PCDHGA2: variants seen among roughly 807,000 people sequenced by gnomAD.
PCDHGA2 encodes protocadherin gamma-A2.
In PCDHGA2, 40 loss-of-function variants were observed where a neutral mutation model predicts 59.2. That is an observed-to-expected ratio of 0.68 (90% CI 0.52 to 0.88). The LOEUF is 0.88. PCDHGA2 is among the 40% of genes least tolerant of loss of function. The pLI is 0.00. For synonymous variants in PCDHGA2, 560 were observed against 526.0 expected (o/e 1.06, Z -0.89); for missense variants, 1,226 against 1,204.0 (o/e 1.02, Z -0.27).
intron 1 of PCDHGA2, chr5:141,430,664 C>G (rs2154553866): frequency 8.3e-7 from 1 of 1,209,890 alleles, no homozygotes; most frequent in East Asian, 2.6e-5. Context: ...CGGAGGAGCT[C>G]TGACTTCCCA....
chr5:141,381,971 A>C (rs1777809819), intron 1 of PCDHGA2, among the ~76,000 whole-genome samples: 1 of 150,888 alleles, frequency 6.6e-6, no homozygotes, highest in African/African-American at 2.4e-5. Flanking sequence ...CTGGGATTAC[A>C]GGCGCGCGCC....
At chr5:141,350,357 T>C (rs562243473) in intron 1 of PCDHGA2, 1 of 1,568,848 alleles carries the variant, frequency 6.4e-7, no homozygotes, top group African/African-American at 1.4e-5. Context: ...GCAGATCCGA[T>C]ACACGATTCC....
At position 141,345,267 on chromosome 5, in the gene PCDHGA2, C is replaced by A. The variant is rs770576379; in HGVS notation, c.2424+3872C>A. The A allele has an allele frequency of 1.1e-5, 18 of 1,613,882 alleles. 1 individual carries two copies. Among genetic ancestry groups the A allele is most frequent in the South Asian group, 5.5e-5 (5 of 91,068 alleles). On this transcript the variant is annotated intron_variant, in intron 1 of 3. Coordinates refer to ENST00000394576, the MANE Select transcript of PCDHGA2 (RefSeq NM_018915.4). ...CTTAGTGACGGCCACATCCCTGGAC[C>A]GCGAACAAATATCAGAATATAACAT...
chr5:141,441,609 A>G (rs922588350), intron 1 of PCDHGA2: 2 of 218,734 alleles, frequency 9.1e-6, no homozygotes, highest in South Asian at 5.5e-5. Context: ...TCCCTATTCC[A>G]TCGTGGCCAG....
intron 1 of PCDHGA2, chr5:141,392,880 C>G (rs779595460): frequency 3.1e-6 from 5 of 1,613,564 alleles, no homozygotes; most frequent in Non-Finnish European, 2.5e-6. Flanking sequence ...GCTGGGAACG[C>G]TGTGGGAAAT....
Position 141,345,286 on chromosome 5 carries a change from A to G in PCDHGA2, c.2424+3891A>G, listed in dbSNP as rs753585552. ...CTGGACCGCGAACAAATATCAGAAT[A>G]TAACATTAGTCTGAGAGCCTCAGAT... On this transcript the variant is annotated intron_variant, in intron 1 of 3. Coordinates refer to ENST00000394576, the MANE Select transcript of PCDHGA2 (RefSeq NM_018915.4). The G allele has an allele frequency of 1.2e-5, 19 of 1,613,904 alleles. No homozygotes were observed. Among genetic ancestry groups the G allele is most frequent in the Non-Finnish European group, 1.4e-5 (17 of 1,179,910 alleles).
rs754169973 is a variant in PCDHGA2 at position 141,340,209 on chromosome 5, A to C, written c.1238A>C (p.Glu413Ala). The C allele has an allele frequency of 6.2e-7, 1 of 1,614,154 alleles. No homozygotes were observed. The highest frequency in any genetic ancestry group is 1.3e-5 in the African/African-American group (1 of 75,028). The change falls in exon 1 of 4, where the codon GAA becomes GCA. Residue 413 changes from glutamate (E) to alanine (A), a missense_variant. Physicochemically the swap from Glu to Ala is moderately radical, Grantham distance 107. Transcript: ENST00000394576. ...RLVTTRALDR[E>A]QFSFYNITLT... ...GTTACAACCAGAGCCCTTGACAGGGAACAGTTTTCCTTTTACAACATCACT... is the reference window on the plus strand; with the variant it reads ...GTTACAACCAGAGCCCTTGACAGGGCACAGTTTTCCTTTTACAACATCACT...
intron 1 of PCDHGA2, chr5:141,362,779 T>G (rs1588580747): frequency 3.3e-6 from 2 of 601,870 alleles, no homozygotes; most frequent in East Asian, 5.9e-5. Flanking sequence ...TTGCACTGTA[T>G]TTCTTTTTCT....
intron 2 of PCDHGA2, among the ~76,000 whole-genome samples, chr5:141,504,039 AC>A (rs1396515708): frequency 6.6e-6 from 1 of 152,184 alleles, no homozygotes; most frequent in African/African-American, 2.4e-5. Context: ...CATTTAGGCA[AC>A]AAATATTTAT....
chr5:141,417,518 G>C (rs193231266), intron 1 of PCDHGA2: 8 of 257,454 alleles, frequency 3.1e-5, no homozygotes, highest in Non-Finnish European at 5.1e-5. Context: ...TATTTTGGCT[G>C]TCAACTCGTA....
In PCDHGA2 at chr5:141,431,370, A is replaced by G; in HGVS notation, c.2425-63437A>G. ...CTGAAACGCGCCCTGGACCGCGAAG[A>G]AAAGGCTGCTCACCACCTGGTCCTT... is the stretch of plus-strand genomic sequence containing the variant. On this transcript the variant is annotated intron_variant, in intron 1 of 3. Coordinates refer to ENST00000394576, the MANE Select transcript of PCDHGA2 (RefSeq NM_018915.4). The surrounding 1 kb of genome is among the most constrained non-coding windows in gnomAD (Gnocchi z 4.8). 1 of 1,613,946 alleles carries G rather than the reference A, an allele frequency of 6.2e-7. No homozygotes were observed. The highest frequency in any genetic ancestry group is 8.5e-7 in the Non-Finnish European group (1 of 1,180,014).
chr5:141,393,307 ACTC>A, intron 1 of PCDHGA2: 1 of 1,613,594 alleles, frequency 6.2e-7, no homozygotes, highest in East Asian at 2.2e-5. Flanking sequence ...GTGGGCGTGA[ACTC>A]CCTCCAGAGC....
intron 1 of PCDHGA2, among the ~76,000 whole-genome samples, chr5:141,368,418 C>T (rs900475328): frequency 3.3e-5 from 5 of 151,998 alleles, no homozygotes; most frequent in Admixed American, 2.0e-4. Flanking sequence ...CACACATGGA[C>T]ATTCTGACCA....
chr5:141,436,040 C>A (rs989038133), intron 1 of PCDHGA2, among the ~76,000 whole-genome samples: 2 of 152,060 alleles, frequency 1.3e-5, no homozygotes, highest in African/African-American at 4.8e-5. Context: ...TTTGTATTTA[C>A]ATTAGTTTTC....
chr5:141,339,536 A>G lies in PCDHGA2; in HGVS notation c.565A>G (p.Asn189Asp), dbSNP rs761884444. The change falls in exon 1 of 4, where the codon AAC becomes GAC. Residue 189 changes from asparagine (N) to aspartate (D), a missense_variant. Transcript: ENST00000394576. ...GGACGTGCGAAGGGGAGCTGATGGG[A>G]ACAAGTACCCAGAACTGGTGCTGGA... ...SLDVRRGADG[N>D]KYPELVLERS... The G allele has an allele frequency of 1.2e-6, 2 of 1,614,178 alleles. No homozygotes were observed. Among genetic ancestry groups the G allele is most frequent in the Non-Finnish European group, 1.7e-6 (2 of 1,180,030 alleles).
chr5:141,427,265 C>G (rs767369457), intron 1 of PCDHGA2: 1 of 456,688 alleles, frequency 2.2e-6, no homozygotes, highest in Non-Finnish European at 4.4e-6. Context: ...GCATGACCAG[C>G]GAATGTAAAA....
intron 1 of PCDHGA2, among the ~76,000 whole-genome samples, chr5:141,347,000 C>A (rs1241334235): frequency 6.7e-6 from 1 of 148,414 alleles, no homozygotes; most frequent in Non-Finnish European, 1.5e-5. Context: ...TTTTCTTTCT[C>A]CTTCCTTCCT....
intron 1 of PCDHGA2, chr5:141,478,174 G>GA (rs1156842877): frequency 3.7e-6 from 6 of 1,613,692 alleles, no homozygotes; most frequent in South Asian, 1.1e-5. Context: ...CCCGGGAGCA[G>GA]AAAAAAAATC....
chr5:141,373,138 T>G (rs1047353742), intron 1 of PCDHGA2, among the ~76,000 whole-genome samples: 9 of 152,246 alleles, frequency 5.9e-5, no homozygotes, highest in African/African-American at 2.2e-4. Flanking sequence ...TCCTCACAAT[T>G]AAGTGGTTTA....
Sources: gnomAD v4.1 joint callset for allele counts (sites outside exome capture counted in the v4.1 genomes callset) on GRCh38, gnomAD v4.1.1 for gene constraint, Gnocchi (gnomAD v3.1) non-coding constraint, MANE v1.5 for transcripts, NCBI Gene and HGNC (gene_info 2026-07-23, HGNC 2026-07-21) for gene names.